Variants in TRDN observed in about 807,000 individuals in gnomAD.
TRDN encodes triadin in skeletal muscle.
In TRDN, 161 loss-of-function variants were observed where a neutral mutation model predicts 149.7. That is an observed-to-expected ratio of 1.08 (90% CI 0.95 to 1.23). The LOEUF (loss-of-function observed/expected upper bound fraction) is 1.23. Ranked by LOEUF, TRDN falls within the 50% of genes most tolerant of loss-of-function variation. The pLI is 0.00. For synonymous variants in TRDN, 294 were observed against 250.5 expected (o/e 1.17, Z -1.64); for missense variants, 896 against 823.5 (o/e 1.09, Z -1.08).
chr6:123,239,637 A>G (rs1268309417), intron 38 of TRDN, among the ~76,000 whole-genome samples: 1 of 152,114 alleles, frequency 6.6e-6, no homozygotes, highest in Admixed American at 6.5e-5. Flanking sequence ...ATACTCTATA[A>G]ATAAAATCTA....
At chr6:123,368,331 ACATT>A (rs1781194196) in intron 19 of TRDN, among the ~76,000 whole-genome samples, 1 of 152,132 alleles carries the variant, frequency 6.6e-6, no homozygotes, top group Admixed American at 6.5e-5. Flanking sequence ...GCCTTTCCTG[ACATT>A]CATTGACTAT....
At chr6:123,230,341 A>C (rs1775552412) in intron 38 of TRDN, among the ~76,000 whole-genome samples, 1 of 151,870 alleles carries the variant, frequency 6.6e-6, no homozygotes, top group African/African-American at 2.4e-5. Flanking sequence ...GAACAATAAG[A>C]ACACTTGGAC....
intron 22 of TRDN, among the ~76,000 whole-genome samples, chr6:123,333,849 T>C (rs1373306730): frequency 6.6e-6 from 1 of 152,028 alleles, no homozygotes; most frequent in Non-Finnish European, 1.5e-5. Flanking sequence ...TTTCTTTGTG[T>C]TTGTCCAAGA....
chr6:123,351,616 C>A, intron 21 of TRDN: 4 of 963,694 alleles, frequency 4.2e-6, no homozygotes, highest in South Asian at 9.6e-5. Context: ...GAATTCTTAA[C>A]CTTAGTTTAC....
chr6:123,269,528 C>G (rs1777130621), intron 31 of TRDN, among the ~76,000 whole-genome samples: 1 of 151,802 alleles, frequency 6.6e-6, no homozygotes, highest in Non-Finnish European at 1.5e-5. Flanking sequence ...TGGATTCCCT[C>G]TTTTAATATT....
intron 5 of TRDN, chr6:123,529,188 T>C: frequency 6.5e-7 from 1 of 1,547,304 alleles, no homozygotes. Context: ...ACCCAAATGG[T>C]GTGGAACCAG....
chr6:123,577,823 G>C (rs976412459), intron 1 of TRDN, among the ~76,000 whole-genome samples: 3 of 152,068 alleles, frequency 2.0e-5, no homozygotes, highest in Non-Finnish European at 4.4e-5. Flanking sequence ...TTTAATGATA[G>C]CCATTCTGAC....
At chr6:123,294,006 T>C (rs1778102304) in intron 24 of TRDN, among the ~76,000 whole-genome samples, 1 of 152,132 alleles carries the variant, frequency 6.6e-6, no homozygotes, top group Non-Finnish European at 1.5e-5. Context: ...GGAGCTTGAC[T>C]CAAACCCTAG....
Position 123,218,417 on chromosome 6 carries a change from C to T in TRDN, c.*184G>A. The T allele has an allele frequency of 4.9e-6, 3 of 607,386 alleles. No individual in the cohort carries two copies. The highest frequency in any genetic ancestry group is 8.4e-6 in the Non-Finnish European group (3 of 356,794). The allele number at this position is 607,386 out of a possible 1,614,324, so 37.6% of individuals were successfully genotyped here. ...ACATAACAGATTCTTGAGACTTAGA[C>T]CCTTAAACATGTCTGCTCATCACTC... On this transcript the variant is annotated 3_prime_UTR_variant, in exon 41 of 41. Coordinates refer to ENST00000334268, the MANE Select transcript of TRDN (RefSeq NM_006073.4).
At position 123,338,917 on chromosome 6, in the gene TRDN, C is replaced by T. The variant is rs183744152; in HGVS notation, c.1370-1248G>A. Among the ~76,000 whole-genome samples the T allele has an allele frequency of 1.8e-3, 279 of 152,168 alleles. 1 individual carries two copies. The highest frequency in any genetic ancestry group is 6.6e-3 in the African/African-American group (272 of 41,514). On this transcript the variant is annotated intron_variant, in intron 21 of 40. Transcript: ENST00000334268. Reference sequence around the variant, plus strand: ...TTGGGGAAGGTTTTCACTGAGAGTACGCCATTTAGATTTAGGCTTATAAAT... The same window carrying T: ...TTGGGGAAGGTTTTCACTGAGAGTATGCCATTTAGATTTAGGCTTATAAAT...
At chr6:123,359,392 T>C (rs1651358765) in intron 20 of TRDN, among the ~76,000 whole-genome samples, 1 of 152,186 alleles carries the variant, frequency 6.6e-6, no homozygotes, top group African/African-American at 2.4e-5. Flanking sequence ...ATTTTTATCT[T>C]ATGGAAAACA....
chr6:123,226,171 T>C (rs1431172768), intron 38 of TRDN, among the ~76,000 whole-genome samples: 1 of 151,786 alleles, frequency 6.6e-6, no homozygotes, highest in Non-Finnish European at 1.5e-5. Flanking sequence ...CTCAATTAAA[T>C]ACTGGATAAA....
At chr6:123,343,703 G>T (rs367955645) in intron 21 of TRDN, among the ~76,000 whole-genome samples, 384 of 151,902 alleles carry the variant, frequency 2.5e-3, no homozygotes, top group African/African-American at 8.5e-3. Flanking sequence ...TAACTAACCT[G>T]CACATTGTGC....
intron 31 of TRDN, among the ~76,000 whole-genome samples, chr6:123,268,016 AT>A (rs1777072756): frequency 1.3e-5 from 2 of 152,146 alleles, no homozygotes; most frequent in South Asian, 4.1e-4. Flanking sequence ...GCTGTGTTGT[AT>A]AAGAGGATAG....
chr6:123,226,249 T>C (rs140441701), intron 38 of TRDN, among the ~76,000 whole-genome samples: 1 of 151,858 alleles, frequency 6.6e-6, no homozygotes, highest in Non-Finnish European at 1.5e-5. Flanking sequence ...TGTTATATGA[T>C]GTTGTGAAAT....
At chr6:123,329,748 G>A (rs1022977759) in intron 23 of TRDN, among the ~76,000 whole-genome samples, 17 of 151,908 alleles carry the variant, frequency 1.1e-4, no homozygotes, top group African/African-American at 4.1e-4. Flanking sequence ...CTCTAAGTGG[G>A]AAAAATAAAA....
At chr6:123,290,629 G>T (rs976604576) in intron 24 of TRDN, among the ~76,000 whole-genome samples, 2 of 152,124 alleles carry the variant, frequency 1.3e-5, no homozygotes, top group Non-Finnish European at 1.5e-5. Context: ...TGAACTTATT[G>T]TGTGGTTTAA....
chr6:123,216,718 C>T lies in TRDN; in HGVS notation c.*1883G>A, dbSNP rs1774982264. 6.6e-6 allele frequency: 1 copy of T among 151,652 alleles called. No homozygotes were observed. The highest frequency in any genetic ancestry group is 1.5e-5 in the Non-Finnish European group (1 of 67,888). 9.4% of individuals were successfully genotyped at this position (151,652 alleles called of 1,614,324 possible). On this transcript the variant is annotated 3_prime_UTR_variant, in exon 41 of 41. Coordinates refer to ENST00000334268, the MANE Select transcript of TRDN (RefSeq NM_006073.4). ...TATCCCTATTTTACTCATGGAGAAA[C>T]AAACATAGTATGTTTAGTAAATTTT...
intron 36 of TRDN, among the ~76,000 whole-genome samples, chr6:123,255,621 A>G (rs1256236301): frequency 2.6e-5 from 4 of 152,150 alleles, no homozygotes; most frequent in Non-Finnish European, 5.9e-5. Context: ...TTGCTCATCA[A>G]TGGCAGAACA....
Sources: gnomAD v4.1 joint callset for allele counts (sites outside exome capture counted in the v4.1 genomes callset) on GRCh38, gnomAD v4.1.1 for gene constraint, MANE v1.5 for transcripts, NCBI Gene and HGNC (gene_info 2026-07-23, HGNC 2026-07-21) for gene names.